Variants in NACC2 observed in about 807,000 individuals in gnomAD.
NACC2 encodes NACC family member 2, also known as nucleus accumbens-associated protein 2.
NACC2 carries 8 observed loss-of-function variants against 25.1 expected under a neutral mutation model. The ratio of observed to expected loss-of-function variants is 0.32; its 90% CI spans 0.19 to 0.57. The LOEUF (loss-of-function observed/expected upper bound fraction) is 0.57, where lower values mean the gene tolerates loss of function less well. NACC2 is among the 20% of genes least tolerant of loss of function. The pLI is 0.89. For missense variants in NACC2, 644 were observed against 650.2 expected, an observed-to-expected ratio of 0.99 and a Z score of 0.10; for synonymous variants, 435 against 294.7, an observed-to-expected ratio of 1.48 and a Z score of -4.88.
chr9:136,054,048 AT>A (rs1840887532), intron 1 of NACC2, among the ~76,000 whole-genome samples: 1 of 152,212 alleles, frequency 6.6e-6, no homozygotes, highest in Non-Finnish European at 1.5e-5. Flanking sequence ...TGGGGTTATG[AT>A]TTACCCTCAG....
chr9:136,080,998 C>G (rs760713638), intron 1 of NACC2, among the ~76,000 whole-genome samples: 2 of 152,186 alleles, frequency 1.3e-5, no homozygotes, highest in Non-Finnish European at 2.9e-5. Context: ...CAAGCACATT[C>G]TGATTAACAG....
At chr9:136,094,513 G>A (rs536404714) in intron 1 of NACC2, among the ~76,000 whole-genome samples, 1 of 152,010 alleles carries the variant, frequency 6.6e-6, no homozygotes, top group Non-Finnish European at 1.5e-5. Context: ...GAGTTTCTTA[G>A]AGAAGGAGCT....
intron 1 of NACC2, among the ~76,000 whole-genome samples, chr9:136,071,156 C>A (rs577643318): frequency 1.3e-5 from 2 of 151,762 alleles, no homozygotes; most frequent in South Asian, 4.2e-4. Flanking sequence ...TCGCTTGAAC[C>A]TGGGAGGCAG....
intron 1 of NACC2, among the ~76,000 whole-genome samples, chr9:136,074,978 G>C (rs543526242): frequency 1.3e-5 from 2 of 152,226 alleles, no homozygotes; most frequent in Admixed American, 6.5e-5. Context: ...TCACTGTCGC[G>C]TATGGGGCTG....
At chr9:136,046,802 A>T (rs1840732214) in intron 2 of NACC2, among the ~76,000 whole-genome samples, 1 of 152,190 alleles carries the variant, frequency 6.6e-6, no homozygotes, top group Non-Finnish European at 1.5e-5. Flanking sequence ...CAGACACCGC[A>T]TGGAGACCCT....
At chr9:136,090,852 G>T (rs1830427055) in intron 1 of NACC2, among the ~76,000 whole-genome samples, 1 of 137,198 alleles carries the variant, frequency 7.3e-6, no homozygotes, top group South Asian at 2.6e-4. Context: ...GGCTTGGGAG[G>T]CATCTCTGCA....
intron 1 of NACC2, among the ~76,000 whole-genome samples, chr9:136,073,952 C>T (rs1258847010): frequency 3.9e-5 from 6 of 152,076 alleles, no homozygotes; most frequent in African/African-American, 7.3e-5. Flanking sequence ...TGGCTCTCAC[C>T]GAAGTAACCA....
chr9:136,057,152 G>A lies in NACC2; in HGVS notation c.-59-6572C>T, dbSNP rs553501617. Among the ~76,000 whole-genome samples, 79 of 152,344 alleles carry A rather than the reference G, an allele frequency of 5.2e-4. 1 individual carries two copies. Among genetic ancestry groups the A allele is most frequent in the African/African-American group, 1.9e-3 (78 of 41,572 alleles). On this transcript the variant is annotated intron_variant, in intron 1 of 5. Coordinates refer to ENST00000277554, the MANE Select transcript of NACC2 (RefSeq NM_144653.5). ...GCCCGTGGCGTTGGCTCTGCCGGGG[G>A]TCTGGTCCAGGGGCCTGTGTGACTG... is the stretch of plus-strand genomic sequence containing the variant.
At chr9:136,037,214 A>G (rs1484342081) in intron 2 of NACC2, among the ~76,000 whole-genome samples, 5 of 152,154 alleles carry the variant, frequency 3.3e-5, no homozygotes, top group African/African-American at 1.2e-4. Context: ...ACTTAGGCAG[A>G]TATTTTTATA....
At position 136,050,339 on chromosome 9, in the gene NACC2, G is replaced by A; in HGVS notation, c.183C>T (p.Gly61=). Reference sequence around the variant, plus strand: ...GCAGCTCGAAGGCGCTCTTGCTGTTGCCGCTGAACAGGTCGCGGAAGTAGA... The same window carrying A: ...GCAGCTCGAAGGCGCTCTTGCTGTTACCGCTGAACAGGTCGCGGAAGTAGA... ...SSLYFRDLFS[G]NSKSAFELPG... is the part of the protein sequence containing the mutation. Residue 61 remains glycine, a synonymous_variant, in exon 2 of 6, where the codon GGC becomes GGT. Coordinates refer to ENST00000277554, the MANE Select transcript of NACC2 (RefSeq NM_144653.5). The A allele has an allele frequency of 1.3e-6, 1 of 742,886 alleles. No individual in the cohort carries two copies. Among genetic ancestry groups the A allele is most frequent in the South Asian group, 1.4e-5 (1 of 71,050 alleles). The allele number at this position is 742,886 out of a possible 1,614,324, so 46.0% of individuals were successfully genotyped here.
chr9:136,029,608 C>T (rs75956170), intron 2 of NACC2, among the ~76,000 whole-genome samples: 1,847 of 152,276 alleles, frequency 0.012, 39 homozygotes, highest in African/African-American at 0.036. Flanking sequence ...GTCCGTGAGC[C>T]GGGGCTGTGA....
At chr9:136,089,189 C>T (rs1830410179) in intron 1 of NACC2, among the ~76,000 whole-genome samples, 1 of 152,116 alleles carries the variant, frequency 6.6e-6, no homozygotes, top group Non-Finnish European at 1.5e-5. Context: ...CCCCGGGCCC[C>T]CACCCAGAGC....
At chr9:136,078,109 T>G (rs369136359) in intron 1 of NACC2, among the ~76,000 whole-genome samples, 1 of 152,168 alleles carries the variant, frequency 6.6e-6, no homozygotes, top group African/African-American at 2.4e-5. Flanking sequence ...TGCCGTACTA[T>G]CTTTAAACAA....
At chr9:136,081,676 G>A (rs1442924441) in intron 1 of NACC2, among the ~76,000 whole-genome samples, 1 of 152,226 alleles carries the variant, frequency 6.6e-6, no homozygotes, top group East Asian at 1.9e-4. Context: ...GCCCAGGGAG[G>A]GCAGCTGCGG....
intron 1 of NACC2, among the ~76,000 whole-genome samples, chr9:136,076,252 G>A (rs1450546286): frequency 6.6e-6 from 1 of 152,182 alleles, no homozygotes; most frequent in Admixed American, 6.5e-5. Context: ...TGCGGAACTC[G>A]AAGAAGTGCT....
At position 136,041,429 on chromosome 9, in the gene NACC2, A is replaced by T. The variant is rs961688559; in HGVS notation, c.886+8207T>A. Among the ~76,000 whole-genome samples the T allele has an allele frequency of 2.9e-3, 440 of 152,256 alleles. 1 individual carries two copies. The highest frequency in any genetic ancestry group is 5.3e-3 in the Admixed American group (81 of 15,290). ...TGAGACATGATCTGAGAAAAAAAAA[A>T]AAAGAAATAAAGAAAAAAATGAAGC... is the stretch of plus-strand genomic sequence containing the variant. On this transcript the variant is annotated intron_variant, in intron 2 of 5. Coordinates refer to ENST00000277554, the MANE Select transcript of NACC2 (RefSeq NM_144653.5).
intron 3 of NACC2, among the ~76,000 whole-genome samples, chr9:136,015,450 G>A (rs1355301395): frequency 2.6e-5 from 4 of 152,242 alleles, no homozygotes; most frequent in Non-Finnish European, 5.9e-5. Context: ...TCTCCCATGA[G>A]GACCGAAGTC....
intron 1 of NACC2, among the ~76,000 whole-genome samples, chr9:136,066,472 G>C (rs1841082076): frequency 6.6e-6 from 1 of 152,128 alleles, no homozygotes; most frequent in African/African-American, 2.4e-5. Flanking sequence ...ATACCCACTA[G>C]GATGGCTATA....
intron 3 of NACC2, 66 bp downstream of exon 3, chr9:136,016,199 C>CAATA (rs144689610): frequency 0.011 from 17,445 of 1,560,584 alleles, 124 homozygotes; most frequent in Middle Eastern, 0.025. Flanking sequence ...CAGAGCTCTC[C>CAATA]AATAAATAAA....
Sources: gnomAD v4.1 joint callset for allele counts (sites outside exome capture counted in the v4.1 genomes callset) on GRCh38, gnomAD v4.1.1 for gene constraint, MANE v1.5 for transcripts, NCBI Gene and HGNC (gene_info 2026-07-23, HGNC 2026-07-21) for gene names.